GALNT15: variants seen among roughly 807,000 people sequenced by gnomAD.
GALNT15 encodes polypeptide N-acetylgalactosaminyltransferase 15, also known as UDP-GalNAc transferase T15.
Under a neutral mutation model 66.8 loss-of-function variants are expected in GALNT15, and 67 were observed. The observed-to-expected ratio is 1.00, with a 90% CI of 0.82 to 1.23. The LOEUF is 1.23. Among genes scored for constraint, GALNT15 ranks in the 50% most tolerant of loss-of-function variants. The pLI is 0.00. For synonymous variants in GALNT15, 313 were observed against 311.5 expected (o/e 1.00, Z -0.05); for missense variants, 827 against 804.3 (o/e 1.03, Z -0.34).
Position 16,219,007 on chromosome 3 carries a change from G to T in GALNT15, c.1393-396G>T, listed in dbSNP as rs142321264. Among the ~76,000 whole-genome samples, 219 of 151,998 alleles carry T rather than the reference G, an allele frequency of 1.4e-3. 8 individuals are homozygous for T. In the East Asian group the frequency reaches 0.04, roughly 28 times the overall value. ...TTTTTTGTATTTTTAGTAGAGATGG[G>T]GTTTCACCATGTTGGCCAGGCTGGT... On this transcript the variant is annotated intron_variant, in intron 6 of 9. Coordinates refer to ENST00000339732, the MANE Select transcript of GALNT15 (RefSeq NM_054110.5). This position sits in a 1 kb window ranked among gnomAD's most constrained non-coding sequence, Gnocchi z 4.3.
chr3:16,180,260 C>A lies in GALNT15; in HGVS notation c.539+4570C>A, dbSNP rs575968610. On this transcript the variant is annotated intron_variant, in intron 1 of 9. Transcript: ENST00000339732. The surrounding 1 kb of genome is among the most constrained non-coding windows in gnomAD (Gnocchi z 5.0). ...CACTTTGAGAACCTCTGCTCTAAGGCACACTCTTTATGCCGAACAGACTGG... is the reference window on the plus strand; with the variant it reads ...CACTTTGAGAACCTCTGCTCTAAGGAACACTCTTTATGCCGAACAGACTGG... 3.9e-5 allele frequency among the ~76,000 whole-genome samples: 6 copies of A among 152,380 alleles called. No individual in the cohort carries two copies. Among genetic ancestry groups the A allele is most frequent in the Admixed American group, 3.9e-4 (6 of 15,308 alleles).
At chr3:16,190,194 C>T (rs2063558688) in intron 1 of GALNT15, among the ~76,000 whole-genome samples, 1 of 152,156 alleles carries the variant, frequency 6.6e-6, no homozygotes, top group African/African-American at 2.4e-5. Flanking sequence ...ACTGTGCTGC[C>T]CATAGGCTGA....
At chr3:16,246,498 G>C in the GALNT15 span, among the ~76,000 whole-genome samples, 19 of 151,990 alleles carry the variant, frequency 1.3e-4, no homozygotes, top group African/African-American at 4.6e-4. Context: ...GCTAATTTTT[G>C]TATTTTTAGT....
At chr3:16,231,918 A>G (rs997860874), downstream of GALNT15, 2 of 1,535,176 alleles carry the variant, frequency 1.3e-6, no homozygotes, top group Non-Finnish European at 1.7e-6. The surrounding 1 kb of genome is among the most constrained non-coding windows in gnomAD (Gnocchi z 4.1). Flanking sequence ...GGCACTGCCG[A>G]TCACTCTCCT....
At chr3:16,215,727 T>C (rs768136103) in intron 6 of GALNT15, among the ~76,000 whole-genome samples, 9 of 151,932 alleles carry the variant, frequency 5.9e-5, no homozygotes, top group Non-Finnish European at 8.8e-5. Flanking sequence ...CTGGCTAACA[T>C]GGTGAAACCC....
intron 9 of GALNT15, among the ~76,000 whole-genome samples, chr3:16,223,676 C>T (rs1266622335): frequency 6.7e-6 from 1 of 149,890 alleles, no homozygotes; most frequent in Admixed American, 6.7e-5. Flanking sequence ...GGGGCCCACA[C>T]ATGCTCAAAG....
intron 3 of GALNT15, among the ~76,000 whole-genome samples, chr3:16,202,916 G>A (rs1023818941): frequency 3.5e-4 from 54 of 152,350 alleles, no homozygotes; most frequent in African/African-American, 1.1e-3. Context: ...TGACAACTGG[G>A]CTGTTTTCTA....
downstream of GALNT15, among the ~76,000 whole-genome samples, chr3:16,236,207 G>C (rs972834637): frequency 1.3e-5 from 2 of 148,642 alleles, no homozygotes; most frequent in Non-Finnish European, 3.0e-5. Flanking sequence ...ACAGATTGTT[G>C]CCACATACCA....
the GALNT15 span, among the ~76,000 whole-genome samples, chr3:16,241,889 C>G: frequency 6.6e-6 from 1 of 152,164 alleles, no homozygotes; most frequent in Non-Finnish European, 1.5e-5. The surrounding 1 kb of genome is among the most constrained non-coding windows in gnomAD (Gnocchi z 4.6). Flanking sequence ...TAGGCAAGTC[C>G]TCTGCTTCAT....
rs1220385448 is a variant in GALNT15, at chr3:16,204,034, G to C, written c.911+3211G>C. Among the ~76,000 whole-genome samples, 1 of 151,910 alleles carries C rather than the reference G, an allele frequency of 6.6e-6. No individual in the cohort carries two copies. Among genetic ancestry groups the C allele is most frequent in the African/African-American group, 2.4e-5 (1 of 41,304 alleles). On this transcript the variant is annotated intron_variant, in intron 3 of 9. Transcript: ENST00000339732. The surrounding 1 kb of genome is among the most constrained non-coding windows in gnomAD (Gnocchi z 4.5). Reference sequence around the variant, plus strand: ...ACACAGTGCCCAAAAGACAGAAAAGGGTCTTTAAGAGCTCTTATAAAAAAA... The same window carrying C: ...ACACAGTGCCCAAAAGACAGAAAAGCGTCTTTAAGAGCTCTTATAAAAAAA...
chr3:16,208,779 A>T (rs2063784064), intron 4 of GALNT15, 109 bp downstream of exon 4: 1 of 960,828 alleles, frequency 1.0e-6, no homozygotes, highest in Non-Finnish European at 1.6e-6. Context: ...TAAATTACTT[A>T]ATGTATGCCA....
At chr3:16,223,504 TA>T (rs1467764390) in intron 9 of GALNT15, among the ~76,000 whole-genome samples, 4 of 152,040 alleles carry the variant, frequency 2.6e-5, no homozygotes, top group African/African-American at 9.7e-5. Flanking sequence ...TGCTGGGGAA[TA>T]AAAAGGATAA....
chr3:16,229,119 T>C lies in GALNT15; in HGVS notation c.*1619T>C. The stretch of plus-strand genomic sequence containing the variant: ...CTAAAGATGCTAATCTCCTTTGGGC[T>C]GTCTCAGAACACAGTATCCTTCAAA... On this transcript the variant is annotated 3_prime_UTR_variant, in exon 10 of 10. Transcript: ENST00000339732. 2 of 985,468 alleles carry C rather than the reference T, an allele frequency of 2.0e-6. No individual in the cohort carries two copies. The highest frequency in any genetic ancestry group is 2.4e-6 in the Non-Finnish European group (2 of 829,928). The allele number at this position is 985,468 out of a possible 1,614,324, so 61.0% of individuals were successfully genotyped here.
chr3:16,245,845 C>A, the GALNT15 span, among the ~76,000 whole-genome samples: 1 of 152,318 alleles, frequency 6.6e-6, no homozygotes, highest in Non-Finnish European at 1.5e-5. Flanking sequence ...AGTGTTTCTG[C>A]AAGCTCCAGG....
intron 8 of GALNT15, among the ~76,000 whole-genome samples, chr3:16,222,097 CT>C (rs1359314248): frequency 6.6e-6 from 1 of 152,186 alleles, no homozygotes; most frequent in Non-Finnish European, 1.5e-5. Flanking sequence ...GACATGACTT[CT>C]AATTAATCAT....
At chr3:16,217,029 G>C (rs540863616) in intron 6 of GALNT15, among the ~76,000 whole-genome samples, 1 of 152,154 alleles carries the variant, frequency 6.6e-6, no homozygotes, top group Non-Finnish European at 1.5e-5. Context: ...AGGTTGGGGG[G>C]GTCGGGGAAA....
intron 1 of GALNT15, among the ~76,000 whole-genome samples, chr3:16,178,683 C>A (rs755324817): frequency 1.3e-5 from 2 of 152,210 alleles, no homozygotes; most frequent in Non-Finnish European, 2.9e-5. Context: ...CACCCTCCCC[C>A]CAGGGTGACA....
At chr3:16,245,712 C>A in the GALNT15 span, among the ~76,000 whole-genome samples, 1 of 152,322 alleles carries the variant, frequency 6.6e-6, no homozygotes, top group South Asian at 2.1e-4. Flanking sequence ...GGCAGGGGTG[C>A]AGCTGGGCCT....
chr3:16,175,116 G>T lies in GALNT15; in HGVS notation c.-36G>T. On this transcript the variant is annotated 5_prime_UTR_variant, in exon 1 of 10. Coordinates refer to ENST00000339732, the MANE Select transcript of GALNT15 (RefSeq NM_054110.5). This position sits in a 1 kb window ranked among gnomAD's most constrained non-coding sequence, Gnocchi z 5.6. ...GCCTGGAGCGGGAGAAAGCTAACTT[G>T]AACATGACCTGTTGCATTTGGCAAG... 1 of 1,581,402 alleles carries T rather than the reference G, an allele frequency of 6.3e-7. No homozygotes were observed. Among genetic ancestry groups the T allele is most frequent in the South Asian group, 1.2e-5 (1 of 86,324 alleles).
Sources: allele counts gnomAD v4.1 joint callset (sites outside exome capture counted in the v4.1 genomes callset), GRCh38; gene constraint gnomAD v4.1.1; non-coding constraint Gnocchi (gnomAD v3.1); transcripts MANE v1.5; gene names NCBI Gene and HGNC (gene_info 2026-07-23, HGNC 2026-07-21).